The following AGK variants were observed in gnomAD, a reference collection of about 807,000 sequenced individuals.
The protein encoded by AGK is acylglycerol kinase, mitochondrial.
AGK carries 52 observed loss-of-function variants against 66.4 expected under a neutral mutation model. The observed-to-expected ratio is 0.78, with a 90% CI of 0.63 to 0.99. The LOEUF is 0.99. Among genes scored for constraint, AGK ranks in the 50% least tolerant of loss-of-function variants. The pLI is 0.00. For missense variants in AGK, 451 were observed against 506.6 expected (o/e 0.89, Z 1.05); for synonymous variants, 182 against 181.1 (o/e 1.00, Z -0.04).
In AGK at chr7:141,651,525, A is replaced by C. The variant is rs1432696248; in HGVS notation, c.1047A>C (p.Gly349=). The C allele has an allele frequency of 6.2e-7, 1 of 1,614,190 alleles. No homozygotes were observed. The highest frequency in any genetic ancestry group is 1.7e-5 in the Admixed American group (1 of 60,026). ...AGCTTGCTTTTTCCTGTGCTCACAGAAGTCGAAAGGTGAGAAACCCCAAGC... is the reference window on the plus strand; with the variant it reads ...AGCTTGCTTTTTCCTGTGCTCACAGCAGTCGAAAGGTGAGAAACCCCAAGC... ...TISKGDFITI[G]SRKVRNPKLH... The change falls in exon 15 of 16, where the codon GGA becomes GGC. Residue 349 remains glycine (G), a splice_region_variant and synonymous_variant. Coordinates refer to ENST00000649286, the MANE Select transcript of AGK (RefSeq NM_018238.4).
chr7:141,650,915 T>C (rs1351632005), intron 14 of AGK, among the ~76,000 whole-genome samples: 1 of 152,198 alleles, frequency 6.6e-6, no homozygotes, highest in Middle Eastern at 3.2e-3. Context: ...ATACTCAATA[T>C]AATGTAAATG....
At chr7:141,608,397 G>A (rs1433480192) in intron 5 of AGK, among the ~76,000 whole-genome samples, 2 of 152,144 alleles carry the variant, frequency 1.3e-5, no homozygotes, top group Non-Finnish European at 2.9e-5. Flanking sequence ...AGTATCACGA[G>A]CTGTGATACT....
intron 2 of AGK, among the ~76,000 whole-genome samples, chr7:141,592,584 T>C (rs1796144603): frequency 6.6e-6 from 1 of 152,152 alleles, no homozygotes; most frequent in South Asian, 2.1e-4. Context: ...GATGTGGAAA[T>C]TTTGGGGGGA....
intron 3 of AGK, chr7:141,593,824 CTTA>C (rs1262376524): frequency 6.5e-6 from 1 of 154,862 alleles, no homozygotes; most frequent in Non-Finnish European, 1.4e-5. Context: ...ATCATTTGAG[CTTA>C]TGATGTCAGA....
intron 2 of AGK, among the ~76,000 whole-genome samples, chr7:141,575,496 T>A (rs931357821): frequency 6.6e-6 from 1 of 152,258 alleles, no homozygotes; most frequent in Admixed American, 6.5e-5. Flanking sequence ...TTGAACTTTG[T>A]TACTAATGGG....
chr7:141,615,465 C>A lies in AGK; in HGVS notation c.424-6C>A, dbSNP rs370409778. 8.7e-6 allele frequency: 14 copies of A among 1,612,218 alleles called. No homozygotes were observed. The African/African-American group carries it at 1.3e-4, about 15-fold the overall frequency. Reference sequence around the variant, plus strand: ...AATAAAACTTTCCTCTTCTTTCCCCCCCCAGGCTACCTTCAGTAAGATTCC... The same window carrying A: ...AATAAAACTTTCCTCTTCTTTCCCCACCCAGGCTACCTTCAGTAAGATTCC... On this transcript the variant is annotated splice_polypyrimidine_tract_variant and splice_region_variant and intron_variant, in intron 7 of 15. Transcript: ENST00000649286.
chr7:141,596,692 A>T, intron 4 of AGK, 51 bp downstream of exon 4: 1 of 1,504,844 alleles, frequency 6.6e-7, no homozygotes, highest in East Asian at 2.3e-5. Context: ...AGGGGGAAAG[A>T]AATCACAGAC....
intron 2 of AGK, among the ~76,000 whole-genome samples, chr7:141,566,603 ACTTATT>A (rs1186974633): frequency 6.6e-6 from 1 of 152,132 alleles, no homozygotes; most frequent in African/African-American, 2.4e-5. Flanking sequence ...TGTTCTCTAT[ACTTATT>A]CTTAGACAAC....
chr7:141,577,035 G>A (rs34428748), intron 2 of AGK, among the ~76,000 whole-genome samples: 55,390 of 151,608 alleles, frequency 0.37, 11,207 homozygotes, highest in East Asian at 0.53. Flanking sequence ...GTGAGACTCC[G>A]TCTCAAAAAA....
intron 9 of AGK, among the ~76,000 whole-genome samples, chr7:141,625,112 T>C (rs1796907925): frequency 6.6e-6 from 1 of 152,232 alleles, no homozygotes; most frequent in Non-Finnish European, 1.5e-5. Flanking sequence ...TTAGCATTTT[T>C]TTTAAGTTAA....
chr7:141,602,923 A>G lies in AGK; in HGVS notation c.297+1643A>G, dbSNP rs1304596935. On this transcript the variant is annotated intron_variant, in intron 5 of 15. Transcript: ENST00000649286. Reference sequence around the variant, plus strand: ...TTTTTCTTGATCTATGTGTTTTTGAATTTCCAAATCTAAAGTTTTTCTGAT... The same window carrying G: ...TTTTTCTTGATCTATGTGTTTTTGAGTTTCCAAATCTAAAGTTTTTCTGAT... Among the ~76,000 whole-genome samples, 4 of 151,864 alleles carry G rather than the reference A, an allele frequency of 2.6e-5. No individual in the cohort carries two copies. In the East Asian group the frequency reaches 7.7e-4, roughly 29 times the overall value.
rs577635985 is a variant in AGK, at chr7:141,586,321, C to T, written c.102-6825C>T. On this transcript the variant is annotated intron_variant, in intron 2 of 15. Coordinates refer to ENST00000649286, the MANE Select transcript of AGK (RefSeq NM_018238.4). ...CTTACCCTTGCCCTTTGGTGATTATCACATTGGAGAAACATCCCCGCTCAT... is the reference window on the plus strand; with the variant it reads ...CTTACCCTTGCCCTTTGGTGATTATTACATTGGAGAAACATCCCCGCTCAT... 5.9e-5 allele frequency among the ~76,000 whole-genome samples: 9 copies of T among 152,258 alleles called. No homozygotes were observed. In the South Asian group the frequency reaches 1.9e-3, roughly 32 times the overall value.
At chr7:141,623,957 C>T (rs188408097) in intron 9 of AGK, among the ~76,000 whole-genome samples, 3 of 152,074 alleles carry the variant, frequency 2.0e-5, no homozygotes, top group East Asian at 3.9e-4. Context: ...TATGCTACAT[C>T]TACTCTGCTT....
chr7:141,583,078 C>T lies in AGK; in HGVS notation c.102-10068C>T, dbSNP rs183713826. 2.6e-5 allele frequency among the ~76,000 whole-genome samples: 4 copies of T among 151,928 alleles called. No homozygotes were observed. The East Asian group carries it at 7.8e-4, about 29-fold the overall frequency. On this transcript the variant is annotated intron_variant, in intron 2 of 15. Coordinates refer to ENST00000649286, the MANE Select transcript of AGK (RefSeq NM_018238.4). Reference sequence around the variant, plus strand: ...GACATCAGGCACCTCAGACCATTTGCCCATTTTACGACAAGAATTATCTAG... The same window carrying T: ...GACATCAGGCACCTCAGACCATTTGTCCATTTTACGACAAGAATTATCTAG...
intron 9 of AGK, among the ~76,000 whole-genome samples, chr7:141,625,015 G>A (rs1276118285): frequency 6.6e-6 from 1 of 152,200 alleles, no homozygotes; most frequent in Non-Finnish European, 1.5e-5. Flanking sequence ...GCAGCTATCA[G>A]CATGGAGGCA....
intron 4 of AGK, among the ~76,000 whole-genome samples, chr7:141,597,985 A>G (rs1047294761): frequency 3.9e-5 from 6 of 152,006 alleles, no homozygotes; most frequent in African/African-American, 1.5e-4. Context: ...GTCAAGTGAC[A>G]TTAAGGTAAT....
At chr7:141,627,884 CATT>C (rs539365924) in intron 9 of AGK, among the ~76,000 whole-genome samples, 342 of 152,250 alleles carry the variant, frequency 2.2e-3, no homozygotes, top group Middle Eastern at 6.8e-3. Flanking sequence ...GCTGTGCTTT[CATT>C]TATTTATTTA....
At chr7:141,563,465 G>C (rs866058763) in intron 2 of AGK, among the ~76,000 whole-genome samples, 3 of 152,094 alleles carry the variant, frequency 2.0e-5, no homozygotes, top group African/African-American at 7.2e-5. Flanking sequence ...TTAGGCTTTG[G>C]CGCCTGGCTT....
chr7:141,572,829 G>A (rs968111958), intron 2 of AGK, among the ~76,000 whole-genome samples: 6 of 152,074 alleles, frequency 3.9e-5, no homozygotes, highest in Non-Finnish European at 8.8e-5. Flanking sequence ...GTTGGATGCC[G>A]GGGTAAATTA....
Sources: allele counts gnomAD v4.1 joint callset (sites outside exome capture counted in the v4.1 genomes callset), GRCh38; gene constraint gnomAD v4.1.1; transcripts MANE v1.5; gene names NCBI Gene and HGNC (gene_info 2026-07-23, HGNC 2026-07-21).